SAMD5: variants seen among roughly 807,000 people sequenced by gnomAD.
The protein encoded by SAMD5 is sterile alpha motif domain containing 5.
A neutral mutation model predicts 11.3 loss-of-function variants in SAMD5; 13 were observed. That is an observed-to-expected ratio of 1.15 (90% confidence interval 0.75 to 1.83). The LOEUF is 1.83. SAMD5 is among the 40% of genes most tolerant of loss of function. The probability of loss-of-function intolerance (pLI) is 0.00; values close to 1 mark genes in which losing one functional copy is unlikely to be tolerated. For synonymous variants in SAMD5, 129 were observed against 111.3 expected (o/e 1.16, Z -1.00); for missense variants, 255 against 239.1 (o/e 1.07, Z -0.44).
chr6:147,859,657 G>A, the SAMD5 span, among the ~76,000 whole-genome samples: 1 of 152,162 alleles, frequency 6.6e-6, no homozygotes, highest in Non-Finnish European at 1.5e-5. Context: ...AGGGTGATAA[G>A]TAATCAATAA....
the SAMD5 span, among the ~76,000 whole-genome samples, chr6:147,897,523 C>T: frequency 1.3e-5 from 2 of 152,100 alleles, no homozygotes; most frequent in Non-Finnish European, 2.9e-5. Context: ...GAAAGAGAAG[C>T]GGCCTCATAG....
chr6:147,898,200 T>G, the SAMD5 span, among the ~76,000 whole-genome samples: 1 of 152,070 alleles, frequency 6.6e-6, no homozygotes, highest in Non-Finnish European at 1.5e-5. Context: ...ATTTATAAAT[T>G]TACAGCGTGA....
At chr6:147,856,603 G>A in the SAMD5 span, among the ~76,000 whole-genome samples, 1 of 152,184 alleles carries the variant, frequency 6.6e-6, no homozygotes, top group East Asian at 1.9e-4. Flanking sequence ...AAAAATGATT[G>A]TTGGATAAAG....
the SAMD5 span, among the ~76,000 whole-genome samples, chr6:147,839,352 C>T: frequency 6.6e-6 from 1 of 152,210 alleles, no homozygotes; most frequent in South Asian, 2.1e-4. Flanking sequence ...TATCAGCTAT[C>T]CAAAATAAAT....
intron 1 of SAMD5, among the ~76,000 whole-genome samples, chr6:147,702,059 G>A (rs570357865): frequency 3.2e-4 from 49 of 152,174 alleles, no homozygotes; most frequent in South Asian, 6.2e-4. Context: ...GAGGTTTAAT[G>A]GACTCACATT....
Position 147,567,517 on chromosome 6 carries a change from T to A in SAMD5, c.*3061T>A, listed in dbSNP as rs997191308. On this transcript the variant is annotated 3_prime_UTR_variant, in exon 2 of 2. Transcript: ENST00000367474. ...GTTATGAAACTCATTAAAGCTTCTT[T>A]TCCCTTGTCTGTAAAATGGGAAAAA... 4.3e-6 allele frequency: 4 copies of A among 936,668 alleles called. No individual in the cohort carries two copies. The highest frequency in any genetic ancestry group is 5.1e-6 in the Non-Finnish European group (4 of 785,592). The allele number at this position is 936,668 out of a possible 1,614,324, so 58.0% of individuals were successfully genotyped here. A position where few individuals can be genotyped will look rare whatever the true frequency, so the allele number is the denominator to read the frequency against.
the SAMD5 span, among the ~76,000 whole-genome samples, chr6:147,913,533 T>C: frequency 1.3e-5 from 2 of 152,164 alleles, no homozygotes; most frequent in African/African-American, 4.8e-5. Context: ...CTGTCTCTAC[T>C]AAAAGTATGA....
the SAMD5 span, among the ~76,000 whole-genome samples, chr6:147,912,293 A>T: frequency 1.3e-5 from 2 of 152,314 alleles, no homozygotes; most frequent in African/African-American, 4.8e-5. Context: ...GTTTATGTAG[A>T]TGTGAACCTA....
chr6:147,927,756 G>A, the SAMD5 span, among the ~76,000 whole-genome samples: 3 of 152,142 alleles, frequency 2.0e-5, no homozygotes, highest in African/African-American at 7.2e-5. Flanking sequence ...TTTGCAAGGG[G>A]AATGCTTACA....
At chr6:147,611,209 C>A (rs1300322457) in intron 1 of SAMD5, among the ~76,000 whole-genome samples, 2 of 152,144 alleles carry the variant, frequency 1.3e-5, no homozygotes, top group East Asian at 3.9e-4. Flanking sequence ...AGAAGCCCAG[C>A]TCTGGAACTA....
At chr6:147,899,438 A>G in the SAMD5 span, among the ~76,000 whole-genome samples, 1 of 152,212 alleles carries the variant, frequency 6.6e-6, no homozygotes, top group Non-Finnish European at 1.5e-5. Flanking sequence ...GAATGTTTTT[A>G]GATTTTCAAT....
At chr6:147,721,624 G>A (rs6917018) in intron 1 of SAMD5, among the ~76,000 whole-genome samples, 3,343 of 152,176 alleles carry the variant, frequency 0.022, 140 homozygotes, top group African/African-American at 0.078. Flanking sequence ...AGTAGGTTGC[G>A]AAAATTTTCT....
At chr6:147,531,230 G>T (rs1451374476) in intron 1 of SAMD5, among the ~76,000 whole-genome samples, 1 of 147,902 alleles carries the variant, frequency 6.8e-6, no homozygotes, top group Non-Finnish European at 1.5e-5. Flanking sequence ...GATTAATTTT[G>T]GTTCTGATGT....
the SAMD5 span, among the ~76,000 whole-genome samples, chr6:147,915,375 T>C: frequency 6.6e-6 from 1 of 152,228 alleles, no homozygotes. Context: ...GTTTTTGCCA[T>C]TTTTCTGTAA....
chr6:147,755,526 G>A, the SAMD5 span, among the ~76,000 whole-genome samples: 1 of 151,984 alleles, frequency 6.6e-6, no homozygotes, highest in Non-Finnish European at 1.5e-5. Context: ...TGCATTTTCT[G>A]TACAGATATG....
At chr6:147,805,823 C>T in the SAMD5 span, among the ~76,000 whole-genome samples, 2 of 152,274 alleles carry the variant, frequency 1.3e-5, no homozygotes, top group South Asian at 4.1e-4. Context: ...GGGGCACTCA[C>T]AATTCACTGA....
At chr6:147,833,770 CA>C in the SAMD5 span, among the ~76,000 whole-genome samples, 3 of 152,176 alleles carry the variant, frequency 2.0e-5, no homozygotes, top group Admixed American at 6.5e-5. Flanking sequence ...TCCATTCTTA[CA>C]AATATTCTTA....
chr6:147,684,089 C>A (rs1183251889), intron 1 of SAMD5, among the ~76,000 whole-genome samples: 3 of 151,982 alleles, frequency 2.0e-5, no homozygotes, highest in Non-Finnish European at 1.5e-5. Context: ...AACCAGCATC[C>A]CAGAAGCCCC....
chr6:147,868,844 C>T, the SAMD5 span, among the ~76,000 whole-genome samples: 2 of 152,178 alleles, frequency 1.3e-5, no homozygotes, highest in African/African-American at 4.8e-5. Flanking sequence ...CATGTAAACA[C>T]CTCTGAGTGA....
Sources: allele counts gnomAD v4.1 joint callset (sites outside exome capture counted in the v4.1 genomes callset), GRCh38; gene constraint gnomAD v4.1.1; transcripts MANE v1.5; gene names NCBI Gene and HGNC (gene_info 2026-07-23, HGNC 2026-07-21).